The following KCNQ1 variants were observed in gnomAD, a reference collection of about 807,000 sequenced individuals.
KCNQ1 encodes potassium voltage-gated channel subfamily Q member 1.
A neutral mutation model predicts 72.4 loss-of-function variants in KCNQ1; 49 were observed. The ratio of observed to expected loss-of-function variants is 0.68; its 90% CI spans 0.54 to 0.86. The LOEUF is 0.86. KCNQ1 is among the 40% of genes least tolerant of loss of function. The pLI is 0.00. For synonymous variants in KCNQ1, 450 were observed against 412.6 expected, an observed-to-expected ratio of 1.09 and a Z score of -1.10; for missense variants, 790 against 945.1, an observed-to-expected ratio of 0.84 and a Z score of 2.15.
intron 15 of KCNQ1, among the ~76,000 whole-genome samples, chr11:2,814,549 GA>G (rs1156255380): frequency 7.9e-5 from 12 of 151,800 alleles, no homozygotes; most frequent in South Asian, 4.2e-4. Flanking sequence ...TGAGCTGATG[GA>G]GAAATGATGG....
rs1365458005 is a variant in KCNQ1 at position 2,603,691 on chromosome 11, GC to G, written c.1393+14838del. On this transcript the variant is annotated intron_variant, in intron 10 of 15. Transcript: ENST00000155840. This position sits in a 1 kb window ranked among gnomAD's most constrained non-coding sequence, Gnocchi z 4.1. ...ATGTTTTCAAGGTTTGTGCTTCAGT[GC>G]TTCTTTTTTTTTCCCCGAGACAGAG... Among the ~76,000 whole-genome samples, 1 of 152,060 alleles carries G rather than the reference GC, an allele frequency of 6.6e-6. No individual in the cohort carries two copies. Among genetic ancestry groups the G allele is most frequent in the Non-Finnish European group, 1.5e-5 (1 of 67,982 alleles).
rs922822012 is a variant in KCNQ1 at position 2,673,186 on chromosome 11, A to G, written c.1514+11105A>G. The G allele has an allele frequency of 2.5e-6, 1 of 398,610 alleles. No homozygotes were observed. The highest frequency in any genetic ancestry group is 2.1e-5 in the African/African-American group (1 of 48,642). 24.7% of individuals were successfully genotyped at this position (398,610 alleles called of 1,614,324 possible). ...AGGATCAGAATGGGCCCTGGAGCCA[A>G]GGCCAAAAGCCGAACTGTGACTAGG... On this transcript the variant is annotated intron_variant, in intron 11 of 15. Coordinates refer to ENST00000155840, the MANE Select transcript of KCNQ1 (RefSeq NM_000218.3). This position sits in a 1 kb window ranked among gnomAD's most constrained non-coding sequence, Gnocchi z 4.5.
rs1020703691 is a variant in KCNQ1 at position 2,664,637 on chromosome 11, G to A, written c.1514+2556G>A. The A allele has an allele frequency of 5.8e-5, 23 of 398,554 alleles. No homozygotes were observed. Among genetic ancestry groups the A allele is most frequent in the Non-Finnish European group, 8.0e-5 (18 of 226,172 alleles). 24.7% of individuals were successfully genotyped at this position (398,554 alleles called of 1,614,324 possible). On this transcript the variant is annotated intron_variant, in intron 11 of 15. Transcript: ENST00000155840. This position sits in a 1 kb window ranked among gnomAD's most constrained non-coding sequence, Gnocchi z 5.1. ...CCCAGTGATGCCCATAATTAAATTC[G>A]GCTCCAGCTGCTCAGGGATGCAGCG...
chr11:2,568,888 C>T (rs179484), intron 2 of KCNQ1, among the ~76,000 whole-genome samples: 113,131 of 151,882 alleles, frequency 0.74, 42,924 homozygotes, highest in African/African-American at 0.91. Flanking sequence ...TTTTGTTTTT[C>T]GTTTTTTGTT....
chr11:2,770,177 C>T (rs1321785459), intron 12 of KCNQ1, among the ~76,000 whole-genome samples: 1 of 152,202 alleles, frequency 6.6e-6, no homozygotes, highest in Non-Finnish European at 1.5e-5. Context: ...AGGATTGACA[C>T]AGGCCCGCCC....
Position 2,622,148 on chromosome 11 carries a change from G to A in KCNQ1, c.1393+33294G>A, listed in dbSNP as rs530419891. On this transcript the variant is annotated intron_variant, in intron 10 of 15. Transcript: ENST00000155840. Reference sequence around the variant, plus strand: ...TGACTCTACCCATTACTGAAAGTACGTTATTGAAGTCCCTAAGTATTATTG... The same window carrying A: ...TGACTCTACCCATTACTGAAAGTACATTATTGAAGTCCCTAAGTATTATTG... The A allele has an allele frequency of 4.3e-5, 17 of 398,296 alleles. 1 individual carries two copies. The highest frequency in any genetic ancestry group is 1.4e-4 in the African/African-American group (7 of 48,706). 24.7% of individuals were successfully genotyped at this position (398,296 alleles called of 1,614,324 possible).
chr11:2,572,129 G>A lies in KCNQ1; in HGVS notation c.780+20G>A. 1 of 1,587,210 alleles carries A rather than the reference G, an allele frequency of 6.3e-7. No homozygotes were observed. Among genetic ancestry groups the A allele is most frequent in the South Asian group, 1.1e-5 (1 of 90,108 alleles). ...CGCCAGGTGGGTGGCCCGGGTTAGGGGTGCGGGGCCCAGGTTGGGGACAGG... is the reference window on the plus strand; with the variant it reads ...CGCCAGGTGGGTGGCCCGGGTTAGGAGTGCGGGGCCCAGGTTGGGGACAGG... On this transcript the variant is annotated intron_variant, in intron 5 of 15. Transcript: ENST00000155840.
At chr11:2,719,093 C>T (rs369323534) in intron 11 of KCNQ1, among the ~76,000 whole-genome samples, 1 of 152,190 alleles carries the variant, frequency 6.6e-6, no homozygotes, top group East Asian at 1.9e-4. Context: ...AAGTGGAGCC[C>T]CAACCGCAGA....
At chr11:2,587,384 C>T (rs1044293617) in intron 8 of KCNQ1, among the ~76,000 whole-genome samples, 186 bp from the exon 9 acceptor site, 2 of 152,210 alleles carry the variant, frequency 1.3e-5, no homozygotes, top group Non-Finnish European at 2.9e-5. Context: ...GGGACCAAGC[C>T]AGGCTGCCTG....
intron 6 of KCNQ1, among the ~76,000 whole-genome samples, chr11:2,578,034 G>A (rs892889857): frequency 2.6e-5 from 4 of 152,206 alleles, no homozygotes; most frequent in Admixed American, 2.0e-4. Flanking sequence ...TGCATGGGGG[G>A]AGCCCACCAG....
chr11:2,565,163 A>G lies in KCNQ1; in HGVS notation c.478-5465A>G, dbSNP rs1848229034. 6.6e-6 allele frequency among the ~76,000 whole-genome samples: 1 copy of G among 152,102 alleles called. No homozygotes were observed. The highest frequency in any genetic ancestry group is 1.5e-5 in the Non-Finnish European group (1 of 68,024). On this transcript the variant is annotated intron_variant, in intron 2 of 15. Transcript: ENST00000155840. The surrounding 1 kb of genome is among the most constrained non-coding windows in gnomAD (Gnocchi z 5.6). ...GTTATTTAAACAGACTATTTGTTAG[A>G]GCAGTTTTAGGTTCACAGCAAAATC...
In KCNQ1 at chr11:2,643,506, T is replaced by C. The variant is rs1849611892; in HGVS notation, c.1394-18455T>C. ...GGTTTTTGTTTCCTTTTGCATGTAA[T>C]ATCTTTTCCCATTCCTTTCTTTCAA... On this transcript the variant is annotated intron_variant, in intron 10 of 15. Coordinates refer to ENST00000155840, the MANE Select transcript of KCNQ1 (RefSeq NM_000218.3). 1.3e-5 allele frequency: 5 copies of C among 398,380 alleles called. No individual in the cohort carries two copies. In the South Asian group the frequency reaches 5.1e-4, roughly 41 times the overall value. The allele number at this position is 398,380 out of a possible 1,614,324, so 24.7% of individuals were successfully genotyped here.
At chr11:2,584,456 TGTGTATGTTA>T (rs1048083471) in intron 7 of KCNQ1, among the ~76,000 whole-genome samples, 191 of 151,652 alleles carry the variant, frequency 1.3e-3, no homozygotes, top group African/African-American at 3.6e-3. Context: ...TGTGTTTGTG[TGTGTATGTTA>T]GTGTATGTTA....
At chr11:2,472,947 G>A (rs1846512347) in intron 1 of KCNQ1, among the ~76,000 whole-genome samples, 1 of 152,062 alleles carries the variant, frequency 6.6e-6, no homozygotes, top group South Asian at 2.1e-4. Flanking sequence ...CACCGAGATG[G>A]GCATGAGCAG....
Position 2,619,214 on chromosome 11 carries a change from T to G in KCNQ1, c.1393+30360T>G, listed in dbSNP as rs1849121897. 10 of 398,564 alleles carry G rather than the reference T, an allele frequency of 2.5e-5. 1 individual carries two copies. In the South Asian group the frequency reaches 1.1e-3, roughly 46 times the overall value. 24.7% of individuals were successfully genotyped at this position (398,564 alleles called of 1,614,324 possible). ...TGTACTAGTACTTCCAGTACTATGT[T>G]GAGTAGTAGTAGCTAGAGTGGGCAT... On this transcript the variant is annotated intron_variant, in intron 10 of 15. Coordinates refer to ENST00000155840, the MANE Select transcript of KCNQ1 (RefSeq NM_000218.3).
rs947617457 is a variant in KCNQ1 at position 2,752,218 on chromosome 11, T to C, written c.1515-16626T>C. Among the ~76,000 whole-genome samples, 1 of 152,176 alleles carries C rather than the reference T, an allele frequency of 6.6e-6. No individual in the cohort carries two copies. Among genetic ancestry groups the C allele is most frequent in the Admixed American group, 6.5e-5 (1 of 15,282 alleles). Reference sequence around the variant, plus strand: ...GTGTTACTGAGTTGAGGTGACTGGGTTGATTTTAGCTTCACAGGTGATCTG... The same window carrying C: ...GTGTTACTGAGTTGAGGTGACTGGGCTGATTTTAGCTTCACAGGTGATCTG... On this transcript the variant is annotated intron_variant, in intron 11 of 15. Transcript: ENST00000155840. This position sits in a 1 kb window ranked among gnomAD's most constrained non-coding sequence, Gnocchi z 5.2.
At position 2,663,068 on chromosome 11, in the gene KCNQ1, G is replaced by A. The variant is rs1263766995; in HGVS notation, c.1514+987G>A. 1.0e-5 allele frequency: 4 copies of A among 398,628 alleles called. No homozygotes were observed. The highest frequency in any genetic ancestry group is 1.8e-5 in the Non-Finnish European group (4 of 226,180). The allele number at this position is 398,628 out of a possible 1,614,324, so 24.7% of individuals were successfully genotyped here. ...GTGTAACCAGAGAACTGGCAGGGTT[G>A]GGTAGCCAGAATGAGGCCACCTCCA... is the stretch of plus-strand genomic sequence containing the variant. On this transcript the variant is annotated intron_variant, in intron 11 of 15. Coordinates refer to ENST00000155840, the MANE Select transcript of KCNQ1 (RefSeq NM_000218.3). This position sits in a 1 kb window ranked among gnomAD's most constrained non-coding sequence, Gnocchi z 5.2.
At chr11:2,582,239 G>C (rs190195633) in intron 6 of KCNQ1, among the ~76,000 whole-genome samples, 2 of 152,222 alleles carry the variant, frequency 1.3e-5, no homozygotes, top group African/African-American at 4.8e-5. Flanking sequence ...CCGCGTGTGC[G>C]CCTGTGCACC....
intron 14 of KCNQ1, 71 bp from the exon 15 acceptor site, chr11:2,777,905 T>A: frequency 7.0e-7 from 1 of 1,419,242 alleles, no homozygotes; most frequent in East Asian, 2.3e-5. Context: ...CCACCCCACT[T>A]CCCAAGCCCA....
Sources: allele counts gnomAD v4.1 joint callset (sites outside exome capture counted in the v4.1 genomes callset), GRCh38; gene constraint gnomAD v4.1.1; non-coding constraint Gnocchi (gnomAD v3.1); transcripts MANE v1.5; gene names NCBI Gene and HGNC (gene_info 2026-07-23, HGNC 2026-07-21).